Variants in EPB41L3 observed in about 807,000 individuals in gnomAD.
EPB41L3 encodes the protein erythrocyte membrane protein band 4.1 like 3, also known as band 4.1-like protein 3.
EPB41L3 carries 57 observed loss-of-function variants against 127.1 expected under a neutral mutation model. That is an observed-to-expected ratio of 0.45 (90% CI 0.36 to 0.56). The LOEUF (loss-of-function observed/expected upper bound fraction) is 0.56, where lower values mean the gene tolerates loss of function less well. Ranked by LOEUF, EPB41L3 falls within the 20% of genes least tolerant of loss-of-function variation. The pLI, the probability that EPB41L3 is intolerant of heterozygous loss-of-function variation, is 0.00. For synonymous variants in EPB41L3, 572 were observed against 549.5 expected, an observed-to-expected ratio of 1.04 and a Z score of -0.57; for missense variants, 1,273 against 1,372.2, an observed-to-expected ratio of 0.93 and a Z score of 1.14.
At chr18:5,422,645 G>A (rs912596848) in intron 11 of EPB41L3, among the ~76,000 whole-genome samples, 1 of 152,248 alleles carries the variant, frequency 6.6e-6, no homozygotes, top group East Asian at 1.9e-4. Context: ...CAGCGGGCAC[G>A]CCTTGCAGCA....
At chr18:5,472,936 C>A (rs1182759271) in intron 3 of EPB41L3, among the ~76,000 whole-genome samples, 1 of 152,184 alleles carries the variant, frequency 6.6e-6, no homozygotes, top group Non-Finnish European at 1.5e-5. Context: ...TTACAAGCAT[C>A]TCTGGATGGT....
intron 3 of EPB41L3, among the ~76,000 whole-genome samples, chr18:5,450,843 T>C (rs1019360792): frequency 2.0e-5 from 3 of 152,312 alleles, no homozygotes; most frequent in South Asian, 2.1e-4. Flanking sequence ...ATTCTCCTGT[T>C]TGCATCTTTA....
At chr18:5,458,472 C>A (rs746456027) in intron 3 of EPB41L3, among the ~76,000 whole-genome samples, 2 of 152,152 alleles carry the variant, frequency 1.3e-5, no homozygotes, top group Non-Finnish European at 2.9e-5. Flanking sequence ...CCACTCGAAT[C>A]GCCCAGTTAT....
At chr18:5,533,861 G>C (rs201071315) in intron 1 of EPB41L3, among the ~76,000 whole-genome samples, 1 of 137,334 alleles carries the variant, frequency 7.3e-6, no homozygotes, top group Non-Finnish European at 1.6e-5. Context: ...AGAAGTTATG[G>C]ACCAGCCATA....
At chr18:5,478,477 T>G in intron 2 of EPB41L3, 39 bp from the exon 3 acceptor site, 1 of 1,603,650 alleles carries the variant, frequency 6.2e-7, no homozygotes, top group South Asian at 1.1e-5. Flanking sequence ...CATTGCAAGG[T>G]GGGAAATAAA....
At chr18:5,400,537 C>T (rs1046715591) in intron 16 of EPB41L3, 21 of 456,772 alleles carry the variant, frequency 4.6e-5, no homozygotes, top group African/African-American at 8.0e-5. Flanking sequence ...AATTATTTGA[C>T]GAGAAGTAAC....
intron 2 of EPB41L3, among the ~76,000 whole-genome samples, chr18:5,487,919 A>G (rs1171417531): frequency 1.3e-5 from 2 of 152,188 alleles, no homozygotes; most frequent in Non-Finnish European, 2.9e-5. Flanking sequence ...TCTTATCTCA[A>G]CATCTTAGAA....
At chr18:5,447,910 T>C (rs1206560818) in intron 3 of EPB41L3, among the ~76,000 whole-genome samples, 2 of 152,218 alleles carry the variant, frequency 1.3e-5, no homozygotes, top group African/African-American at 2.4e-5. Context: ...GACAATAACA[T>C]ACTAGTCCAC....
intron 3 of EPB41L3, among the ~76,000 whole-genome samples, chr18:5,445,777 C>T (rs138801382): frequency 1.3e-5 from 2 of 152,292 alleles, no homozygotes; most frequent in African/African-American, 2.4e-5. Context: ...ACCTGAGCTC[C>T]GCCTCCTGTC....
rs777987704 is a variant in EPB41L3, at chr18:5,395,590, C to T, written c.3072+19G>A. 1.2e-5 allele frequency: 20 copies of T among 1,608,826 alleles called. No individual in the cohort carries two copies. Among genetic ancestry groups the T allele is most frequent in the Non-Finnish European group, 1.5e-5 (18 of 1,175,308 alleles). The stretch of plus-strand genomic sequence containing the variant: ...GCTCGCTCTCAAGGAATCCTCTTCT[C>T]GGTTCTCACTCCACTTACTTTGGTG... On this transcript the variant is annotated intron_variant, in intron 20 of 22. Coordinates refer to ENST00000341928, the MANE Select transcript of EPB41L3 (RefSeq NM_012307.5).
At chr18:5,607,657 C>T (rs558853671) in intron 3 of EPB41L3, among the ~76,000 whole-genome samples, 1 of 152,260 alleles carries the variant, frequency 6.6e-6, no homozygotes, top group African/African-American at 2.4e-5. Context: ...GACTTTTACT[C>T]CTAGGTTACC....
chr18:5,520,692 A>T (rs1444309410), intron 1 of EPB41L3, among the ~76,000 whole-genome samples: 1 of 152,194 alleles, frequency 6.6e-6, no homozygotes, highest in Non-Finnish European at 1.5e-5. Context: ...TCCTGCTATC[A>T]TGAGGGGATC....
intron 1 of EPB41L3, among the ~76,000 whole-genome samples, chr18:5,513,222 C>A (rs902498642): frequency 6.6e-6 from 1 of 152,158 alleles, no homozygotes; most frequent in African/African-American, 2.4e-5. Context: ...ATAGCTCATG[C>A]AAGAAGTGAA....
chr18:5,470,512 A>C (rs1223082718), intron 3 of EPB41L3, among the ~76,000 whole-genome samples: 1 of 152,256 alleles, frequency 6.6e-6, no homozygotes, highest in African/African-American at 2.4e-5. Flanking sequence ...CTTGTTAAAA[A>C]AAATAGTTCA....
intron 1 of EPB41L3, among the ~76,000 whole-genome samples, chr18:5,617,624 A>G (rs901551929): frequency 6.6e-6 from 1 of 152,172 alleles, no homozygotes; most frequent in Non-Finnish European, 1.5e-5. Flanking sequence ...GGCCCAAGTC[A>G]TTCTATTTTT....
chr18:5,407,666 T>C, intron 15 of EPB41L3, 35 bp downstream of exon 15: 1 of 1,608,812 alleles, frequency 6.2e-7, no homozygotes, highest in Non-Finnish European at 8.5e-7. Flanking sequence ...GTTGTTTTGT[T>C]GTTGTTGTTG....
intron 1 of EPB41L3, among the ~76,000 whole-genome samples, chr18:5,542,644 A>T (rs1209804245): frequency 1.3e-5 from 2 of 151,016 alleles, no homozygotes; most frequent in African/African-American, 2.4e-5. Flanking sequence ...TTAACACCAC[A>T]TGTTTCCTTT....
chr18:5,453,709 T>C (rs768662427), intron 3 of EPB41L3, among the ~76,000 whole-genome samples: 1 of 152,208 alleles, frequency 6.6e-6, no homozygotes, highest in South Asian at 2.1e-4. Context: ...TTCATGAGTA[T>C]AGTATTTTGT....
chr18:5,416,730 G>T (rs990220192), intron 12 of EPB41L3, among the ~76,000 whole-genome samples: 4 of 152,074 alleles, frequency 2.6e-5, no homozygotes, highest in Admixed American at 2.6e-4. Context: ...GCAAACATAA[G>T]TAAATCTGAT....
Sources: allele counts gnomAD v4.1 joint callset (sites outside exome capture counted in the v4.1 genomes callset), GRCh38; gene constraint gnomAD v4.1.1; transcripts MANE v1.5; gene names NCBI Gene and HGNC (gene_info 2026-07-23, HGNC 2026-07-21).